Variants in PLAAT1 observed in about 807,000 individuals in gnomAD.
The protein encoded by PLAAT1 is phospholipase A and acyltransferase 1.
PLAAT1 carries 13 observed loss-of-function variants against 16.4 expected under a neutral mutation model. The observed-to-expected ratio is 0.79, with a 90% CI of 0.52 to 1.26. The LOEUF is 1.26. PLAAT1 is among the 50% of genes most tolerant of loss of function. The probability of loss-of-function intolerance (pLI) is 0.00; values close to 1 mark genes in which losing one functional copy is unlikely to be tolerated. For missense variants in PLAAT1, 218 were observed against 207.8 expected, an observed-to-expected ratio of 1.05 and a Z score of -0.30; for synonymous variants, 73 against 78.4, an observed-to-expected ratio of 0.93 and a Z score of 0.36.
At chr3:193,243,870 C>T (rs570882350) in intron 1 of PLAAT1, among the ~76,000 whole-genome samples, 1 of 152,310 alleles carries the variant, frequency 6.6e-6, no homozygotes, top group South Asian at 2.1e-4. Context: ...CCCACTGCCT[C>T]CTCCACTTCC....
chr3:193,247,765 G>A (rs1296308695), intron 1 of PLAAT1, among the ~76,000 whole-genome samples: 1 of 152,000 alleles, frequency 6.6e-6, no homozygotes, highest in Non-Finnish European at 1.5e-5. Flanking sequence ...TTGATTTCTA[G>A]GTTTGTGCCA....
chr3:193,281,076 G>A (rs1452010193), downstream of PLAAT1: 28 of 441,734 alleles, frequency 6.3e-5, no homozygotes, highest in Non-Finnish European at 8.1e-5. Context: ...TGCTTGGGAA[G>A]GGTATGAGGC....
chr3:193,241,276 C>A lies in PLAAT1; in HGVS notation c.-258C>A. On this transcript the variant is annotated 5_prime_UTR_variant, in exon 1 of 4. Transcript: ENST00000264735. ...CCGGACGCCGAGCCCAGCGCGTCGG[C>A]CCCCCGGCGTGCGGGCGTCTCAGAG... 8.1e-7 allele frequency: 1 copy of A among 1,229,294 alleles called. No homozygotes were observed. The highest frequency in any genetic ancestry group is 3.1e-4 in the Middle Eastern group (1 of 3,192). 76.1% of individuals were successfully genotyped at this position (1,229,294 alleles called of 1,614,324 possible).
upstream of PLAAT1, among the ~76,000 whole-genome samples, chr3:193,240,654 C>CGTGAGTGTGTGTGTGT (rs1553803500): frequency 1.1e-5 from 1 of 88,502 alleles, no homozygotes; most frequent in African/African-American, 4.8e-5. Context: ...GGCTATCTGG[C>CGTGAGTGTGTGTGTGT]GTGTGTGTGT....
downstream of PLAAT1, chr3:193,281,191 G>GGATTTGGA: frequency 1.0e-6 from 1 of 985,368 alleles, no homozygotes; most frequent in Non-Finnish European, 1.2e-6. Flanking sequence ...TTTACTTCAT[G>GGATTTGGA]GATTTGGAGT....
At chr3:193,241,175 G>C, upstream of PLAAT1, 1 of 1,212,184 alleles carries the variant, frequency 8.2e-7, no homozygotes, top group Non-Finnish European at 1.0e-6. Context: ...AGGTCTAGCC[G>C]GAGCGACTGT....
downstream of PLAAT1, chr3:193,275,222 A>G (rs773493522): frequency 3.7e-6 from 6 of 1,614,206 alleles, no homozygotes; most frequent in Non-Finnish European, 5.1e-6. Flanking sequence ...TCTTTTGCCA[A>G]GTCCTATATT....
At chr3:193,272,691 C>T (rs547347676), downstream of PLAAT1, among the ~76,000 whole-genome samples, 1 of 152,296 alleles carries the variant, frequency 6.6e-6, no homozygotes, top group East Asian at 1.9e-4. Flanking sequence ...TTCTGGATGT[C>T]TCCACTCCAG....
chr3:193,245,213 C>T (rs1577297679), intron 1 of PLAAT1, among the ~76,000 whole-genome samples: 1 of 152,276 alleles, frequency 6.6e-6, no homozygotes, highest in Admixed American at 6.5e-5. Context: ...TCTCTCTTCC[C>T]TTTAGCCTCT....
intron 1 of PLAAT1, among the ~76,000 whole-genome samples, chr3:193,242,933 GTT>G (rs1373440934): frequency 6.6e-6 from 1 of 152,180 alleles, no homozygotes. Context: ...GGGAGTAGTT[GTT>G]AAAAAAGTGC....
rs747017470 is a variant in PLAAT1 at position 193,255,719 on chromosome 3, G to A, written c.69G>A (p.Val23=). Residue 23 remains valine, a synonymous_variant, in exon 2 of 4, where the codon GTG becomes GTA. Transcript: ENST00000264735. ...CCTGCCCAGGGGACTTGATCGAAGT[G>A]TTCCGTCCTGGCTATCAGCACTGGG... ...GNPCPGDLIE[V]FRPGYQHWAL... 6 of 1,613,290 alleles carry A rather than the reference G, an allele frequency of 3.7e-6. No individual in the cohort carries two copies. In the African/African-American group the frequency reaches 6.7e-5, roughly 18 times the overall value.
At chr3:193,281,305 G>T, downstream of PLAAT1, 2 of 552,800 alleles carry the variant, frequency 3.6e-6, no homozygotes, top group Non-Finnish European at 4.6e-6. Flanking sequence ...GCACATCACT[G>T]TCTAATGGTC....
chr3:193,248,847 A>G (rs896597501), intron 1 of PLAAT1, among the ~76,000 whole-genome samples: 4 of 152,124 alleles, frequency 2.6e-5, no homozygotes, highest in African/African-American at 7.2e-5. Context: ...TCATACTACA[A>G]TTACAGTACA....
downstream of PLAAT1, among the ~76,000 whole-genome samples, chr3:193,273,497 A>G (rs1717055036): frequency 6.6e-6 from 1 of 152,214 alleles, no homozygotes; most frequent in Non-Finnish European, 1.5e-5. Flanking sequence ...ATGTTGAAAC[A>G]TTTATCATTC....
At chr3:193,244,028 C>T (rs1045308770) in intron 1 of PLAAT1, among the ~76,000 whole-genome samples, 3 of 152,172 alleles carry the variant, frequency 2.0e-5, no homozygotes, top group Admixed American at 6.5e-5. Context: ...TCTAGAGGTA[C>T]ATTCAGGTTG....
chr3:193,243,415 A>C (rs368969155), intron 1 of PLAAT1, among the ~76,000 whole-genome samples: 111 of 152,200 alleles, frequency 7.3e-4, no homozygotes, highest in Non-Finnish European at 1.3e-3. Flanking sequence ...CCTCACCCGG[A>C]AACTCCGCAA....
chr3:193,246,627 G>T (rs1270588200), intron 1 of PLAAT1, among the ~76,000 whole-genome samples: 1 of 152,160 alleles, frequency 6.6e-6, no homozygotes, highest in Non-Finnish European at 1.5e-5. Context: ...CTCCCAAAGT[G>T]CTGGGATTAC....
intron 2 of PLAAT1, among the ~76,000 whole-genome samples, chr3:193,257,490 A>G (rs1339800988): frequency 6.6e-6 from 1 of 152,218 alleles, no homozygotes; most frequent in African/African-American, 2.4e-5. Flanking sequence ...AAAGTCAAAA[A>G]AACTGAAATC....
chr3:193,267,249 G>A (rs1020874840), intron 3 of PLAAT1, among the ~76,000 whole-genome samples: 11 of 151,998 alleles, frequency 7.2e-5, no homozygotes, highest in Non-Finnish European at 1.6e-4. Context: ...GGGTTCGCTG[G>A]TTATGTTACG....
Sources: allele counts gnomAD v4.1 joint callset (sites outside exome capture counted in the v4.1 genomes callset), GRCh38; gene constraint gnomAD v4.1.1; transcripts MANE v1.5; gene names NCBI Gene and HGNC (gene_info 2026-07-23, HGNC 2026-07-21).